DLG2: variants seen among roughly 807,000 people sequenced by gnomAD.
DLG2 encodes the protein disks large homolog 2.
In DLG2, 45 loss-of-function variants were observed where a neutral mutation model predicts 132.5. The ratio of observed to expected loss-of-function variants is 0.34; its 90% CI spans 0.27 to 0.44. The LOEUF is 0.44. Among genes scored for constraint, DLG2 ranks in the 20% least tolerant of loss-of-function variants. The pLI is 1.00. For missense variants in DLG2, 1,045 were observed against 1,196.9 expected (o/e 0.87, Z 1.87); for synonymous variants, 424 against 419.6 (o/e 1.01, Z -0.13).
intron 6 of DLG2, among the ~76,000 whole-genome samples, chr11:84,582,356 T>C (rs998711204): frequency 1.3e-5 from 2 of 150,050 alleles, no homozygotes; most frequent in South Asian, 2.1e-4. Context: ...TAAAAAGTCC[T>C]AACTACTACA....
At chr11:84,698,441 T>C (rs1292895517) in intron 6 of DLG2, among the ~76,000 whole-genome samples, 2 of 151,472 alleles carry the variant, frequency 1.3e-5, no homozygotes, top group East Asian at 1.9e-4. Context: ...ATTCGTCCAA[T>C]TGCTAAACAG....
chr11:83,695,270 T>C (rs1237157051), intron 18 of DLG2, among the ~76,000 whole-genome samples: 1 of 152,158 alleles, frequency 6.6e-6, no homozygotes. Flanking sequence ...CAAACATGAA[T>C]AGCCCAGCCC....
At chr11:84,337,498 T>C (rs1419320614) in intron 7 of DLG2, among the ~76,000 whole-genome samples, 3 of 152,354 alleles carry the variant, frequency 2.0e-5, no homozygotes, top group East Asian at 3.9e-4. Context: ...TATGTGTATA[T>C]ATTTTTTTCT....
intron 8 of DLG2, among the ~76,000 whole-genome samples, chr11:84,186,400 T>C (rs1245539919): frequency 6.6e-6 from 1 of 152,046 alleles, no homozygotes; most frequent in Non-Finnish European, 1.5e-5. Flanking sequence ...GGAGCGGCTA[T>C]ACTGATATTA....
intron 18 of DLG2, among the ~76,000 whole-genome samples, chr11:83,702,714 C>G (rs1356147882): frequency 6.6e-6 from 1 of 152,142 alleles, no homozygotes; most frequent in Non-Finnish European, 1.5e-5. Context: ...CTTCCTGGTG[C>G]TCATGAAAAT....
At chr11:84,330,061 A>T (rs1318039095) in intron 7 of DLG2, among the ~76,000 whole-genome samples, 1 of 152,240 alleles carries the variant, frequency 6.6e-6, no homozygotes, top group African/African-American at 2.4e-5. Context: ...ATTTCTGTGA[A>T]GTACTTAGCA....
chr11:83,650,073 A>C (rs549436930), intron 18 of DLG2, among the ~76,000 whole-genome samples: 7 of 152,358 alleles, frequency 4.6e-5, no homozygotes, highest in Non-Finnish European at 7.3e-5. Context: ...ACATTCTAAC[A>C]ATCACCAGAA....
intron 17 of DLG2, among the ~76,000 whole-genome samples, chr11:83,799,912 G>T (rs2043891815): frequency 6.6e-6 from 1 of 152,200 alleles, no homozygotes; most frequent in South Asian, 2.1e-4. Flanking sequence ...AGACACAGAT[G>T]TAGAAGAAGC....
chr11:85,494,560 AC>A (rs2095838408), intron 3 of DLG2, among the ~76,000 whole-genome samples: 2 of 152,132 alleles, frequency 1.3e-5, no homozygotes, highest in Admixed American at 1.3e-4. Context: ...TAAAAGTAAG[AC>A]AGTCTCCTGG....
intron 7 of DLG2, among the ~76,000 whole-genome samples, chr11:84,359,671 C>T (rs1313108480): frequency 6.6e-6 from 1 of 151,884 alleles, no homozygotes; most frequent in Non-Finnish European, 1.5e-5. Context: ...GTGCTTATTA[C>T]ACTTTGGGCT....
At position 84,354,461 on chromosome 11, in the gene DLG2, C is replaced by T. The variant is rs1280748622; in HGVS notation, c.520-103170G>A. ...TCCTAATTTTGAGAAGGAAATTGCA[C>T]CTTTTTTTCTCAAAACATTTTCCTC... On this transcript the variant is annotated intron_variant, in intron 7 of 27. Transcript: ENST00000376104. Among the ~76,000 whole-genome samples, 3 of 152,088 alleles carry T rather than the reference C, an allele frequency of 2.0e-5. No individual in the cohort carries two copies. In the East Asian group the frequency reaches 5.8e-4, roughly 29 times the overall value.
At chr11:84,358,811 C>T (rs2098633189) in intron 7 of DLG2, among the ~76,000 whole-genome samples, 1 of 151,932 alleles carries the variant, frequency 6.6e-6, no homozygotes, top group African/African-American at 2.4e-5. Context: ...AATCCAACAG[C>T]AACCTATCAG....
chr11:85,609,837 C>T (rs375742556), intron 2 of DLG2, among the ~76,000 whole-genome samples: 5 of 152,174 alleles, frequency 3.3e-5, no homozygotes, highest in African/African-American at 7.2e-5. Context: ...CCTCAAGGTC[C>T]GTTACCATCC....
intron 6 of DLG2, among the ~76,000 whole-genome samples, chr11:84,951,985 C>A (rs1309000891): frequency 2.0e-5 from 3 of 152,250 alleles, no homozygotes; most frequent in East Asian, 1.9e-4. Context: ...GATTTAGAAA[C>A]TGCATAATTA....
At chr11:84,151,909 T>A (rs996331794) in intron 9 of DLG2, among the ~76,000 whole-genome samples, 1 of 152,204 alleles carries the variant, frequency 6.6e-6, no homozygotes, top group African/African-American at 2.4e-5. Flanking sequence ...TTTGAGAGTA[T>A]GTTTGGTATG....
chr11:85,198,174 T>A (rs1397693089), intron 4 of DLG2, among the ~76,000 whole-genome samples: 1 of 152,004 alleles, frequency 6.6e-6, no homozygotes, highest in Non-Finnish European at 1.5e-5. Flanking sequence ...ATAAGTGGGA[T>A]AATGGAAAAA....
rs2153438504 is a variant in DLG2 at position 83,623,784 on chromosome 11, C to T, written c.1940+9427G>A. ...TGATTTCTGTCTATTTCCTTGTTCC[C>T]TTGAAACTAACCTAACCTACATGAT... On this transcript the variant is annotated intron_variant, in intron 19 of 27. Coordinates refer to ENST00000376104, the MANE Select transcript of DLG2 (RefSeq NM_001142699.3). 2.6e-5 allele frequency among the ~76,000 whole-genome samples: 4 copies of T among 152,306 alleles called. 1 individual carries two copies. Among genetic ancestry groups the T allele is most frequent in the Admixed American group, 2.6e-4 (4 of 15,304 alleles).
At chr11:84,929,003 TATATATATATA>T (rs2154090155) in intron 6 of DLG2, among the ~76,000 whole-genome samples, 1 of 128,814 alleles carries the variant, frequency 7.8e-6, no homozygotes, top group East Asian at 2.2e-4. Flanking sequence ...TATATATATA[TATATATATATA>T]TATATATATA....
chr11:85,481,094 C>T (rs933114830), intron 3 of DLG2, among the ~76,000 whole-genome samples: 4 of 152,172 alleles, frequency 2.6e-5, no homozygotes, highest in Non-Finnish European at 4.4e-5. Context: ...TGTAAATTCC[C>T]TCACTTTCTT....
Sources: allele counts gnomAD v4.1 joint callset (sites outside exome capture counted in the v4.1 genomes callset), GRCh38; gene constraint gnomAD v4.1.1; transcripts MANE v1.5; gene names NCBI Gene and HGNC (gene_info 2026-07-23, HGNC 2026-07-21).